LATS2: variants seen among roughly 807,000 people sequenced by gnomAD.
The protein encoded by LATS2 is large tumor suppressor kinase 2.
A neutral mutation model predicts 76.0 loss-of-function variants in LATS2; 24 were observed. The ratio of observed to expected loss-of-function variants is 0.32; its 90% CI spans 0.23 to 0.44. The LOEUF (loss-of-function observed/expected upper bound fraction) is 0.44, where lower values mean the gene tolerates loss of function less well. Ranked by LOEUF, LATS2 falls within the 20% of genes least tolerant of loss-of-function variation. The pLI is 1.00. For synonymous variants in LATS2, 692 were observed against 635.4 expected (o/e 1.09, Z -1.34); for missense variants, 1,286 against 1,481.2 (o/e 0.87, Z 2.16).
At chr13:21,052,487 A>T (rs948172481) in intron 1 of LATS2, among the ~76,000 whole-genome samples, 3 of 152,130 alleles carry the variant, frequency 2.0e-5, no homozygotes, top group African/African-American at 7.2e-5. Flanking sequence ...AGTAACTGAG[A>T]TTACAGGCGT....
rs1225769734 is a variant in LATS2 at position 20,975,437 on chromosome 13, C to T, written c.2773-73G>A. 1.7e-5 allele frequency: 24 copies of T among 1,437,666 alleles called. No homozygotes were observed. The Admixed American group carries it at 3.0e-4, about 18-fold the overall frequency. The allele number at this position is 1,437,666 out of a possible 1,614,324, so 89.1% of individuals were successfully genotyped here. ...GCAGTTCTGGGACAGCGTGTGATGA[C>T]GTGACTTTCAAATATGTTTAGTTTC... On this transcript the variant is annotated intron_variant, in intron 7 of 7. Coordinates refer to ENST00000382592, the MANE Select transcript of LATS2 (RefSeq NM_014572.3).
At position 21,027,826 on chromosome 13, in the gene LATS2, T is replaced by A. The variant is rs185120389; in HGVS notation, c.342+17859A>T. On this transcript the variant is annotated intron_variant, in intron 2 of 7. Transcript: ENST00000382592. ...TAAACCTGCTGAGATTGTATTTGGA[T>A]TCTGCTGGATCCACAGATAACTGTG... 3.9e-5 allele frequency among the ~76,000 whole-genome samples: 6 copies of A among 152,224 alleles called. No individual in the cohort carries two copies. The East Asian group carries it at 5.8e-4, about 15-fold the overall frequency.
At chr13:21,029,820 G>A (rs2138376943) in intron 2 of LATS2, among the ~76,000 whole-genome samples, 1 of 152,234 alleles carries the variant, frequency 6.6e-6, no homozygotes, top group East Asian at 1.9e-4. Flanking sequence ...ATTGGGGATG[G>A]GCGTAGTGGC....
chr13:21,016,330 G>A (rs1871797883), intron 2 of LATS2, among the ~76,000 whole-genome samples: 1 of 149,288 alleles, frequency 6.7e-6, no homozygotes, highest in African/African-American at 2.5e-5. Context: ...TGTCACCCAG[G>A]CTCAGTACAG....
chr13:21,012,788 C>A (rs35769591), intron 2 of LATS2, among the ~76,000 whole-genome samples: 38,565 of 151,424 alleles, frequency 0.25, 5,265 homozygotes, highest in African/African-American at 0.35. Flanking sequence ...GAATCACACC[C>A]CCCCCCCACC....
intron 7 of LATS2, among the ~76,000 whole-genome samples, chr13:20,976,964 C>G (rs944177725): frequency 2.0e-5 from 3 of 152,082 alleles, no homozygotes; most frequent in Admixed American, 2.0e-4. Context: ...TCCAAAAGAA[C>G]CGGAAGCAGG....
intron 7 of LATS2, among the ~76,000 whole-genome samples, chr13:20,977,091 A>G (rs550058133): frequency 2.8e-4 from 42 of 152,132 alleles, no homozygotes; most frequent in African/African-American, 9.6e-4. Context: ...ATACTGCATG[A>G]CTCCACTTAC....
intron 1 of LATS2, among the ~76,000 whole-genome samples, chr13:21,051,983 G>A (rs1873286596): frequency 6.6e-6 from 1 of 152,140 alleles, no homozygotes; most frequent in Admixed American, 6.5e-5. Flanking sequence ...GAAGCTCACT[G>A]AAAACTGGGT....
At chr13:21,057,128 A>G (rs556644690) in intron 1 of LATS2, among the ~76,000 whole-genome samples, 2 of 152,060 alleles carry the variant, frequency 1.3e-5, no homozygotes, top group East Asian at 3.9e-4. Flanking sequence ...ACAGAGGCCC[A>G]CTCCTTTCAA....
At chr13:21,004,705 A>G (rs2138325123) in intron 2 of LATS2, among the ~76,000 whole-genome samples, 1 of 152,298 alleles carries the variant, frequency 6.6e-6, no homozygotes, top group African/African-American at 2.4e-5. Context: ...GGGGCTGTTC[A>G]ACAGTATCCC....
At chr13:21,023,648 A>AC (rs1418390013) in intron 2 of LATS2, among the ~76,000 whole-genome samples, 21 of 2,744 alleles carry the variant, frequency 7.7e-3, no homozygotes, top group Middle Eastern at 0.071. Flanking sequence ...ACTGGCTTTA[A>AC]AAAAAAAAAA....
chr13:20,988,343 C>CGGAGCG lies in LATS2; in HGVS notation c.1436_1437insCGCTCC (p.Pro479_Ala480dup). 1 of 1,298,770 alleles carries CGGAGCG rather than the reference C, an allele frequency of 7.7e-7. No homozygotes were observed. The highest frequency in any genetic ancestry group is 1.0e-6 in the Non-Finnish European group (1 of 1,004,360). 80.5% of individuals were successfully genotyped at this position (1,298,770 alleles called of 1,614,324 possible). The stretch of plus-strand genomic sequence containing the variant: ...CCTTGGCGTCCAAGCCCTCCGCAGC[C>CGGAGCG]GGGGCGGGGGCGGGGGCGGGGGCCG... On this transcript the variant is annotated inframe_insertion, in exon 4 of 8. Transcript: ENST00000382592.
chr13:21,008,378 G>A (rs1311286179), intron 2 of LATS2, among the ~76,000 whole-genome samples: 1 of 149,294 alleles, frequency 6.7e-6, no homozygotes, highest in African/African-American at 2.6e-5. Flanking sequence ...AGCCCGCTGG[G>A]TGGTGTTGTT....
intron 2 of LATS2, among the ~76,000 whole-genome samples, chr13:21,019,060 T>C (rs1375811426): frequency 6.6e-6 from 1 of 152,138 alleles, no homozygotes; most frequent in Non-Finnish European, 1.5e-5. Flanking sequence ...CATCCTAAGT[T>C]TGAATCCTGG....
intron 1 of LATS2, among the ~76,000 whole-genome samples, chr13:21,059,345 C>A (rs58182630): frequency 5.9e-5 from 9 of 152,156 alleles, no homozygotes; most frequent in Admixed American, 5.9e-4. Flanking sequence ...CGCCTGTAAT[C>A]CCAGCAGTTT....
intron 2 of LATS2, among the ~76,000 whole-genome samples, chr13:21,007,559 ATATATATATAT>A (rs1456747304): frequency 6.0e-5 from 1 of 16,616 alleles, no homozygotes; most frequent in Non-Finnish European, 8.0e-5. Flanking sequence ...ATATATATAT[ATATATATATAT>A]ATATATATAT....
chr13:21,002,259 G>C lies in LATS2; in HGVS notation c.343-10855C>G, dbSNP rs141531774. On this transcript the variant is annotated intron_variant, in intron 2 of 7. Coordinates refer to ENST00000382592, the MANE Select transcript of LATS2 (RefSeq NM_014572.3). Reference sequence around the variant, plus strand: ...CACTAAAAATTCTGGGATGGTCTAAGATGGTTGGTTACACAACAGTAGATA... The same window carrying C: ...CACTAAAAATTCTGGGATGGTCTAACATGGTTGGTTACACAACAGTAGATA... Among the ~76,000 whole-genome samples the C allele has an allele frequency of 1.1e-3, 166 of 152,210 alleles. 1 individual carries two copies. The highest frequency in any genetic ancestry group is 2.1e-3 in the Admixed American group (32 of 15,288).
rs146933483 is a variant in LATS2 at position 21,018,947 on chromosome 13, C to T, written c.342+26738G>A. Among the ~76,000 whole-genome samples, 87 of 152,040 alleles carry T rather than the reference C, an allele frequency of 5.7e-4. 1 individual carries two copies. Among genetic ancestry groups the T allele is most frequent in the African/African-American group, 2.0e-3 (81 of 41,464 alleles). On this transcript the variant is annotated intron_variant, in intron 2 of 7. Transcript: ENST00000382592. ...AGGTGTGAGCCACTGTGCCTGGACC[C>T]GAGTCCCTCTTTACGACTAATTTTC... is the stretch of plus-strand genomic sequence containing the variant.
intron 2 of LATS2, among the ~76,000 whole-genome samples, chr13:21,027,104 C>T (rs1246341924): frequency 6.6e-6 from 1 of 152,100 alleles, no homozygotes; most frequent in Non-Finnish European, 1.5e-5. Context: ...TTTATATATT[C>T]CAAATGTGAG....
Sources: gnomAD v4.1 joint callset for allele counts (sites outside exome capture counted in the v4.1 genomes callset) on GRCh38, gnomAD v4.1.1 for gene constraint, MANE v1.5 for transcripts, NCBI Gene and HGNC (gene_info 2026-07-23, HGNC 2026-07-21) for gene names.